The following NPAS3 variants were observed in gnomAD, a reference collection of about 807,000 sequenced individuals.
NPAS3 encodes neuronal PAS domain protein 3, also known as neuronal PAS domain-containing protein 3.
A neutral mutation model predicts 73.1 loss-of-function variants in NPAS3; 14 were observed. The observed-to-expected ratio is 0.19, with a 90% CI of 0.13 to 0.30. The LOEUF (loss-of-function observed/expected upper bound fraction) is 0.30. Ranked by LOEUF, NPAS3 falls within the 10% of genes least tolerant of loss-of-function variation. NPAS3 has a pLI of 1.00. For missense variants in NPAS3, 1,096 were observed against 1,250.0 expected, an observed-to-expected ratio of 0.88 and a Z score of 1.86; for synonymous variants, 620 against 541.5, an observed-to-expected ratio of 1.14 and a Z score of -2.01.
intron 3 of NPAS3, among the ~76,000 whole-genome samples, chr14:33,323,281 C>G (rs1319697755): frequency 5.3e-5 from 8 of 152,108 alleles, no homozygotes; most frequent in Non-Finnish European, 8.8e-5. Context: ...ACAGAGTGTT[C>G]AGTAATGTTG....
chr14:33,738,944 C>T (rs570728281), intron 7 of NPAS3, among the ~76,000 whole-genome samples: 15 of 152,248 alleles, frequency 9.9e-5, no homozygotes, highest in East Asian at 3.9e-4. Context: ...CTAATTGGGT[C>T]GCCTCCTTAG....
At chr14:33,314,094 C>T (rs377537601) in intron 3 of NPAS3, among the ~76,000 whole-genome samples, 84 of 151,956 alleles carry the variant, frequency 5.5e-4, no homozygotes, top group African/African-American at 2.0e-3. Flanking sequence ...TTTGATTGAA[C>T]CTAATAGACC....
At chr14:32,982,440 T>G (rs540858156) in intron 1 of NPAS3, among the ~76,000 whole-genome samples, 2 of 152,234 alleles carry the variant, frequency 1.3e-5, no homozygotes, top group African/African-American at 4.8e-5. Flanking sequence ...CCAAACACAG[T>G]GGCTCATGCC....
intron 3 of NPAS3, among the ~76,000 whole-genome samples, chr14:33,333,658 T>C (rs1312585921): frequency 2.6e-5 from 4 of 152,108 alleles, no homozygotes; most frequent in East Asian, 1.9e-4. Flanking sequence ...TTTGGGTGGA[T>C]TGGTTTCATT....
intron 1 of NPAS3, among the ~76,000 whole-genome samples, chr14:32,967,970 C>CA (rs1301190953): frequency 6.6e-6 from 1 of 151,940 alleles, no homozygotes; most frequent in Non-Finnish European, 1.5e-5. Context: ...TTATATTATG[C>CA]AAAGTAAGCT....
intron 2 of NPAS3, among the ~76,000 whole-genome samples, chr14:33,106,907 A>G (rs2042738572): frequency 6.6e-6 from 1 of 152,112 alleles, no homozygotes; most frequent in Non-Finnish European, 1.5e-5. Context: ...ACAGTGACAC[A>G]TCTGAAAACA....
At chr14:33,475,719 G>A (rs2050997855) in intron 4 of NPAS3, among the ~76,000 whole-genome samples, 1 of 152,140 alleles carries the variant, frequency 6.6e-6, no homozygotes, top group South Asian at 2.1e-4. Flanking sequence ...TTGGAGAGTT[G>A]GGGTTAAAGG....
At chr14:33,652,837 A>T (rs1021821558) in intron 5 of NPAS3, among the ~76,000 whole-genome samples, 2 of 152,308 alleles carry the variant, frequency 1.3e-5, no homozygotes, top group East Asian at 3.9e-4. Context: ...TTTAGATGCA[A>T]TAAGCTGTCC....
chr14:33,235,178 T>TCCTG, intron 3 of NPAS3, among the ~76,000 whole-genome samples: 1 of 152,274 alleles, frequency 6.6e-6, no homozygotes, highest in East Asian at 1.9e-4. Flanking sequence ...CCCACACTCC[T>TCCTG]CCTGCCATAG....
chr14:33,566,041 A>C (rs1171274471), intron 5 of NPAS3, among the ~76,000 whole-genome samples: 2 of 152,258 alleles, frequency 1.3e-5, no homozygotes, highest in East Asian at 3.9e-4. Context: ...TGCCCTTTTG[A>C]ATGTGGAAGC....
At chr14:33,154,066 A>G (rs1375011040) in intron 2 of NPAS3, among the ~76,000 whole-genome samples, 1 of 152,138 alleles carries the variant, frequency 6.6e-6, no homozygotes, top group East Asian at 1.9e-4. Flanking sequence ...AAATATTTAG[A>G]GATCTCTTTA....
intron 2 of NPAS3, among the ~76,000 whole-genome samples, chr14:33,090,890 A>G (rs1362871649): frequency 6.6e-6 from 1 of 152,228 alleles, no homozygotes; most frequent in Non-Finnish European, 1.5e-5. Context: ...CTGCTCCTGA[A>G]TGACTACTGG....
At chr14:33,304,748 A>G (rs1329778623) in intron 3 of NPAS3, among the ~76,000 whole-genome samples, 1 of 152,126 alleles carries the variant, frequency 6.6e-6, no homozygotes, top group African/African-American at 2.4e-5. Flanking sequence ...TGAATACTCT[A>G]AAATTTTGTG....
chr14:33,234,765 T>C (rs1293014091), intron 3 of NPAS3, among the ~76,000 whole-genome samples: 1 of 152,138 alleles, frequency 6.6e-6, no homozygotes, highest in African/African-American at 2.4e-5. Context: ...TCTAGAACAC[T>C]ATACCTATGA....
intron 7 of NPAS3, among the ~76,000 whole-genome samples, chr14:33,752,954 A>G (rs993413810): frequency 1.3e-5 from 2 of 152,270 alleles, no homozygotes; most frequent in East Asian, 3.9e-4. Context: ...GTAATCTTTT[A>G]ACTTACTGAC....
intron 3 of NPAS3, among the ~76,000 whole-genome samples, chr14:33,304,568 A>G (rs2042684030): frequency 6.6e-6 from 1 of 151,980 alleles, no homozygotes; most frequent in Non-Finnish European, 1.5e-5. Context: ...TGGATTAAGA[A>G]CAAAGGAAAA....
At chr14:32,945,419 A>G (rs2036210986) in intron 1 of NPAS3, among the ~76,000 whole-genome samples, 1 of 152,246 alleles carries the variant, frequency 6.6e-6, no homozygotes, top group African/African-American at 2.4e-5. Flanking sequence ...ACTATATTAC[A>G]TGCTTCACAA....
chr14:33,765,445 C>T (rs2140852005), intron 7 of NPAS3, among the ~76,000 whole-genome samples: 1 of 152,170 alleles, frequency 6.6e-6, no homozygotes, highest in South Asian at 2.1e-4. Context: ...AGGGGATTGG[C>T]AGAGCTCAGC....
intron 2 of NPAS3, among the ~76,000 whole-genome samples, chr14:33,140,592 C>G (rs1224419496): frequency 1.3e-5 from 2 of 152,124 alleles, no homozygotes; most frequent in African/African-American, 4.8e-5. Context: ...GCATGCTTCA[C>G]CGTGTCATTT....
Sources: gnomAD v4.1 joint callset for allele counts (sites outside exome capture counted in the v4.1 genomes callset) on GRCh38, gnomAD v4.1.1 for gene constraint, MANE v1.5 for transcripts, NCBI Gene and HGNC (gene_info 2026-07-23, HGNC 2026-07-21) for gene names.